Variants in SGCZ observed in about 807,000 individuals in gnomAD.
SGCZ encodes the protein zeta-sarcoglycan.
In SGCZ, 40 loss-of-function variants were observed where a neutral mutation model predicts 41.3. That is an observed-to-expected ratio of 0.97 (90% CI 0.75 to 1.26). The LOEUF is 1.26. Ranked by LOEUF, SGCZ falls within the 50% of genes most tolerant of loss-of-function variation. The pLI, the probability that SGCZ is intolerant of heterozygous loss-of-function variation, is 0.00. For synonymous variants in SGCZ, 206 were observed against 137.5 expected (o/e 1.50, Z -3.49); for missense variants, 552 against 369.8 (o/e 1.49, Z -4.04).
intron 4 of SGCZ, among the ~76,000 whole-genome samples, chr8:14,190,393 A>C (rs1172302965): frequency 6.6e-6 from 1 of 151,872 alleles, no homozygotes; most frequent in Admixed American, 6.6e-5. Context: ...ATATATATAT[A>C]TCAATAAAGT....
chr8:14,247,926 G>T (rs960817387), intron 3 of SGCZ, among the ~76,000 whole-genome samples: 1 of 152,128 alleles, frequency 6.6e-6, no homozygotes, highest in African/African-American at 2.4e-5. Context: ...GAAATGTACA[G>T]CATATGTGAA....
chr8:14,492,700 C>T lies in SGCZ; in HGVS notation c.234+62032G>A, dbSNP rs113095814. On this transcript the variant is annotated intron_variant, in intron 2 of 7. Transcript: ENST00000382080. ...TTTCACCATCTTCTGTGCCTCAAGG[C>T]TCAACCTTCCTCATTTACTTCAGTG... 7.7e-3 allele frequency among the ~76,000 whole-genome samples: 1,171 copies of T among 152,224 alleles called. 21 individuals carry two copies. The highest frequency in any genetic ancestry group is 0.027 in the African/African-American group (1,118 of 41,528).
At chr8:14,226,016 G>A (rs868485801) in intron 4 of SGCZ, among the ~76,000 whole-genome samples, 3 of 151,924 alleles carry the variant, frequency 2.0e-5, no homozygotes, top group Non-Finnish European at 4.4e-5. Flanking sequence ...ATTTTGAAAA[G>A]GACGATGGTA....
At chr8:14,751,722 G>A (rs1799503904) in intron 1 of SGCZ, among the ~76,000 whole-genome samples, 1 of 151,980 alleles carries the variant, frequency 6.6e-6, no homozygotes, top group Non-Finnish European at 1.5e-5. Context: ...CTAATTTTTT[G>A]TATTTTTAGT....
intron 2 of SGCZ, among the ~76,000 whole-genome samples, chr8:14,342,319 C>CT (rs943224546): frequency 7.0e-4 from 106 of 151,344 alleles, no homozygotes; most frequent in African/African-American, 2.4e-3. Context: ...GAAGAAATTT[C>CT]TTTTTTTTTC....
intron 1 of SGCZ, among the ~76,000 whole-genome samples, chr8:14,896,437 T>TTTTATTGATTTATTTATTTATTTA (rs1554518748): frequency 4.6e-5 from 7 of 151,306 alleles, no homozygotes; most frequent in African/African-American, 1.7e-4. Context: ...GATGGAAGAC[T>TTTTATTGATTTATTTATTTATTTA]TTTATTTATT....
intron 1 of SGCZ, among the ~76,000 whole-genome samples, chr8:14,572,919 G>T (rs1329083594): frequency 6.6e-6 from 1 of 152,040 alleles, no homozygotes; most frequent in Non-Finnish European, 1.5e-5. Context: ...TTTCTGCAAT[G>T]AATATTTACT....
intron 1 of SGCZ, among the ~76,000 whole-genome samples, chr8:14,585,494 G>T (rs866605078): frequency 6.6e-6 from 1 of 151,918 alleles, no homozygotes; most frequent in South Asian, 2.1e-4. Flanking sequence ...TATGAATATG[G>T]TATTTCTCCA....
intron 2 of SGCZ, among the ~76,000 whole-genome samples, chr8:14,489,583 C>T (rs1801782048): frequency 6.6e-6 from 1 of 151,562 alleles, no homozygotes; most frequent in South Asian, 2.1e-4. Context: ...TTTTTAAACG[C>T]CCAAAACAGA....
intron 1 of SGCZ, among the ~76,000 whole-genome samples, chr8:14,966,251 C>T (rs762785298): frequency 5.3e-5 from 8 of 151,598 alleles, no homozygotes; most frequent in African/African-American, 9.7e-5. Flanking sequence ...ATATTGATGT[C>T]ATCAGAGATG....
At chr8:14,194,726 C>G (rs541194078) in intron 4 of SGCZ, among the ~76,000 whole-genome samples, 1 of 151,794 alleles carries the variant, frequency 6.6e-6, no homozygotes, top group Non-Finnish European at 1.5e-5. Context: ...AAATGCAGCA[C>G]AATAATACAA....
At chr8:15,088,798 G>C (rs1806045100) in intron 1 of SGCZ, among the ~76,000 whole-genome samples, 1 of 152,080 alleles carries the variant, frequency 6.6e-6, no homozygotes, top group Non-Finnish European at 1.5e-5. Flanking sequence ...CACATCATGT[G>C]CTCCAGAAAA....
At chr8:14,238,803 G>A (rs115022333) in intron 3 of SGCZ, among the ~76,000 whole-genome samples, 1 of 152,100 alleles carries the variant, frequency 6.6e-6, no homozygotes, top group African/African-American at 2.4e-5. Context: ...CTTGGTGCTT[G>A]CATTGTGGAT....
At chr8:14,477,625 T>A (rs1406584514) in intron 2 of SGCZ, among the ~76,000 whole-genome samples, 1 of 152,314 alleles carries the variant, frequency 6.6e-6, no homozygotes, top group East Asian at 1.9e-4. Context: ...AATGGCTCTA[T>A]TTAGCTAAGT....
intron 5 of SGCZ, among the ~76,000 whole-genome samples, chr8:14,159,291 A>C (rs1803971498): frequency 6.6e-6 from 1 of 152,092 alleles, no homozygotes; most frequent in Non-Finnish European, 1.5e-5. Context: ...GTCCTCTTTT[A>C]TGACTGTTCT....
intron 1 of SGCZ, among the ~76,000 whole-genome samples, chr8:14,659,064 G>T (rs1807666156): frequency 6.6e-6 from 1 of 152,028 alleles, no homozygotes; most frequent in African/African-American, 2.4e-5. Context: ...TGATAAAATG[G>T]TATATTTTAT....
chr8:14,086,033 A>G lies in SGCZ; in HGVS notation c.*4410T>C, dbSNP rs945500351. On this transcript the variant is annotated 3_prime_UTR_variant, in exon 8 of 8. Coordinates refer to ENST00000382080, the MANE Select transcript of SGCZ (RefSeq NM_139167.4). ...ATTATTTAAAATGAATACAAATGCAAATTTCCTTTGTGATAATGATATTTT... is the reference window on the plus strand; with the variant it reads ...ATTATTTAAAATGAATACAAATGCAGATTTCCTTTGTGATAATGATATTTT... 6.6e-6 allele frequency among the ~76,000 whole-genome samples: 1 copy of G among 151,732 alleles called. No individual in the cohort carries two copies. The highest frequency in any genetic ancestry group is 1.5e-5 in the Non-Finnish European group (1 of 67,780).
chr8:14,754,390 A>C (rs995006701), intron 1 of SGCZ, among the ~76,000 whole-genome samples: 3 of 152,106 alleles, frequency 2.0e-5, no homozygotes, highest in African/African-American at 4.8e-5. Context: ...TAGATACTAC[A>C]CTCTAACATG....
chr8:14,223,730 A>G (rs1806281591), intron 4 of SGCZ, among the ~76,000 whole-genome samples: 1 of 152,182 alleles, frequency 6.6e-6, no homozygotes, highest in Non-Finnish European at 1.5e-5. Flanking sequence ...AAATCAAGTG[A>G]TAACCCTTAA....
Sources: gnomAD v4.1 joint callset for allele counts (sites outside exome capture counted in the v4.1 genomes callset) on GRCh38, gnomAD v4.1.1 for gene constraint, MANE v1.5 for transcripts, NCBI Gene and HGNC (gene_info 2026-07-23, HGNC 2026-07-21) for gene names.